FRMPD4: variants seen among roughly 807,000 people sequenced by gnomAD.
FRMPD4 encodes FERM and PDZ domain-containing protein 4.
In FRMPD4, 22 loss-of-function variants were observed where a neutral mutation model predicts 94.1. That is an observed-to-expected ratio of 0.23 (90% CI 0.17 to 0.33). FRMPD4 has a LOEUF of 0.33. FRMPD4 is among the 10% of genes least tolerant of loss of function. FRMPD4 has a pLI of 1.00. For missense variants in FRMPD4, 1,111 were observed against 1,339.9 expected (o/e 0.83, Z 2.67); for synonymous variants, 631 against 548.6 (o/e 1.15, Z -2.10).
chrX:12,095,834 A>G (rs1320548024), intron 3 of FRMPD4, among the ~76,000 whole-genome samples: 2 of 112,021 alleles, frequency 1.8e-5, no homozygotes, highest in Non-Finnish European at 3.8e-5. Context: ...ACATTCCATC[A>G]ATTCTCTCTT....
At chrX:11,916,239 T>C (rs987139946) in intron 3 of FRMPD4, among the ~76,000 whole-genome samples, 4 of 111,217 alleles carry the variant, frequency 3.6e-5, no homozygotes, top group Non-Finnish European at 7.5e-5. Flanking sequence ...GAAAGAGGAA[T>C]GGATGGCAGA....
rs1461896071 is a variant in FRMPD4 at position 11,893,497 on chromosome X, T to C, written c.95+15479T>C. ...GACATTTTGGTGACTAATAACCTTT[T>C]TTAGTTAGGAATGAAAATGTATCTT... On this transcript the variant is annotated intron_variant, in intron 3 of 18. Coordinates refer to the FRMPD4 transcript ENST00000640291. Among the ~76,000 whole-genome samples, 3 of 112,188 alleles carry C rather than the reference T, an allele frequency of 2.7e-5. No individual in the cohort carries two copies. In the South Asian group the frequency reaches 1.1e-3, roughly 41 times the overall value.
chrX:12,428,814 G>A (rs749158609), intron 1 of FRMPD4, among the ~76,000 whole-genome samples: 1 of 110,363 alleles, frequency 9.1e-6, no homozygotes, highest in South Asian at 3.9e-4. Flanking sequence ...TGTTTTCTCT[G>A]TGTGTGTTTG....
chrX:11,859,366 A>G (rs1281906128), intron 1 of FRMPD4, among the ~76,000 whole-genome samples: 1 of 112,208 alleles, frequency 8.9e-6, no homozygotes, highest in Non-Finnish European at 1.9e-5. Flanking sequence ...TCAGGTTTTC[A>G]AATGATAAAG....
intron 1 of FRMPD4, among the ~76,000 whole-genome samples, chrX:11,831,164 A>G (rs2053472806): frequency 9.1e-6 from 1 of 110,144 alleles, no homozygotes; most frequent in African/African-American, 3.3e-5. Context: ...GGTAAGACTG[A>G]GTCAATAAAT....
intron 1 of FRMPD4, among the ~76,000 whole-genome samples, chrX:12,273,115 T>C (rs372967002): frequency 1.0e-3 from 113 of 111,321 alleles, no homozygotes; most frequent in African/African-American, 3.5e-3. Context: ...GTCACTTTAG[T>C]TGCCAGTGCT....
At chrX:12,697,333 C>T (rs1008815153) in intron 9 of FRMPD4, among the ~76,000 whole-genome samples, 1 of 111,892 alleles carries the variant, frequency 8.9e-6, no homozygotes, top group Non-Finnish European at 1.9e-5. Context: ...TGAAAACCAA[C>T]CCAGGGCTTT....
At chrX:11,967,559 C>T (rs1151484) in intron 3 of FRMPD4, among the ~76,000 whole-genome samples, 45,730 of 110,243 alleles carry the variant, frequency 0.41, 7,070 homozygotes, top group East Asian at 0.59. Flanking sequence ...TGAACCCTTA[C>T]AGTAGGATCT....
chrX:11,963,046 C>T (rs1286181151), intron 3 of FRMPD4, among the ~76,000 whole-genome samples: 3 of 111,970 alleles, frequency 2.7e-5, no homozygotes, highest in South Asian at 7.6e-4. Flanking sequence ...TCTTGCAATA[C>T]CTTTCTTATT....
intron 1 of FRMPD4, among the ~76,000 whole-genome samples, chrX:12,249,648 A>G (rs1171273262): frequency 9.0e-6 from 1 of 111,725 alleles, no homozygotes; most frequent in Non-Finnish European, 1.9e-5. Context: ...GAGGACCTCT[A>G]AGAAAAGCGG....
At chrX:12,421,977 A>G (rs948889012) in intron 1 of FRMPD4, among the ~76,000 whole-genome samples, 9 of 111,631 alleles carry the variant, frequency 8.1e-5, no homozygotes, top group African/African-American at 2.9e-4. Context: ...AACACTTAGG[A>G]AGTAAAAAAG....
chrX:12,610,096 C>A (rs2148418197), intron 3 of FRMPD4, among the ~76,000 whole-genome samples: 1 of 112,349 alleles, frequency 8.9e-6, no homozygotes, highest in Admixed American at 9.4e-5. Context: ...CAGGAAAATA[C>A]TGAGCCATCA....
chrX:12,531,804 T>A (rs1199983063), intron 2 of FRMPD4, among the ~76,000 whole-genome samples: 1 of 111,512 alleles, frequency 9.0e-6, no homozygotes, highest in African/African-American at 3.3e-5. Context: ...TTAATAATAA[T>A]ATGCATGGGT....
chrX:12,506,876 T>G (rs2057991353), intron 2 of FRMPD4, among the ~76,000 whole-genome samples: 1 of 112,163 alleles, frequency 8.9e-6, no homozygotes, highest in Non-Finnish European at 1.9e-5. Context: ...TGCTGGTGAG[T>G]AAGGGAGAAC....
intron 2 of FRMPD4, among the ~76,000 whole-genome samples, chrX:12,506,352 G>A (rs374683891): frequency 2.7e-5 from 3 of 111,080 alleles, no homozygotes; most frequent in East Asian, 2.8e-4. Flanking sequence ...GCAATGACAC[G>A]ATCTCGGCTC....
intron 1 of FRMPD4, among the ~76,000 whole-genome samples, chrX:12,478,454 T>C (rs2057631639): frequency 1.8e-5 from 2 of 111,795 alleles, no homozygotes; most frequent in Admixed American, 1.9e-4. Context: ...TGGTGCGTGC[T>C]ATGCCTGTGG....
At chrX:12,516,575 G>A (rs6639195) in intron 2 of FRMPD4, among the ~76,000 whole-genome samples, 6,168 of 111,622 alleles carry the variant, frequency 0.055, 143 homozygotes, top group East Asian at 0.12. Flanking sequence ...TTATTCTGAT[G>A]AGCTTCCCTA....
intron 5 of FRMPD4, among the ~76,000 whole-genome samples, chrX:12,678,215 C>T (rs1028713350): frequency 2.7e-5 from 3 of 112,535 alleles, no homozygotes; most frequent in Non-Finnish European, 5.6e-5. Context: ...CCTTAACCAA[C>T]CCCCATCACT....
chrX:11,997,958 T>G (rs1345236159), intron 3 of FRMPD4, among the ~76,000 whole-genome samples: 1 of 111,839 alleles, frequency 8.9e-6, no homozygotes, highest in Non-Finnish European at 1.9e-5. Flanking sequence ...AGTCACACTT[T>G]TTACTAAATA....
Sources: gnomAD v4.1 joint callset for allele counts (sites outside exome capture counted in the v4.1 genomes callset) on GRCh38, gnomAD v4.1.1 for gene constraint, MANE v1.5 for transcripts, NCBI Gene and HGNC (gene_info 2026-07-23, HGNC 2026-07-21) for gene names.